Variants in NETO1 observed in about 807,000 individuals in gnomAD.
NETO1 encodes neuropilin and tolloid like 1, also known as neuropilin and tolloid-like protein 1.
NETO1 carries 26 observed loss-of-function variants against 61.3 expected under a neutral mutation model. That is an observed-to-expected ratio of 0.42 (90% confidence interval 0.31 to 0.59). The LOEUF (loss-of-function observed/expected upper bound fraction) is 0.59, where lower values mean the gene tolerates loss of function less well. Among genes scored for constraint, NETO1 ranks in the 20% least tolerant of loss-of-function variants. The probability of loss-of-function intolerance (pLI) is 0.12; values close to 1 mark genes in which losing one functional copy is unlikely to be tolerated. For synonymous variants in NETO1, 225 were observed against 225.8 expected (o/e 1.00, Z 0.03); for missense variants, 531 against 662.8 (o/e 0.80, Z 2.18).
intron 4 of NETO1, among the ~76,000 whole-genome samples, chr18:72,804,272 C>T (rs573219728): frequency 5.7e-4 from 87 of 152,158 alleles, no homozygotes; most frequent in Middle Eastern, 3.4e-3. Context: ...ACGTCTGCCC[C>T]GACCAACCTT....
intron 4 of NETO1, among the ~76,000 whole-genome samples, chr18:72,818,797 T>C (rs941232687): frequency 1.3e-5 from 2 of 152,188 alleles, no homozygotes; most frequent in Non-Finnish European, 2.9e-5. Context: ...TCTATTAAAT[T>C]ATAGAAACAA....
In NETO1 at chr18:72,830,899, T is replaced by C. The variant is rs1395910453; in HGVS notation, c.469+27927A>G. On this transcript the variant is annotated intron_variant, in intron 4 of 10. Transcript: ENST00000327305. This position sits in a 1 kb window ranked among gnomAD's most constrained non-coding sequence, Gnocchi z 4.9. The stretch of plus-strand genomic sequence containing the variant: ...TCTTCTCTGAACATTGAGTTTTCAT[T>C]TACCACTGCAGGAAAAACTGTACTT... 6.6e-6 allele frequency among the ~76,000 whole-genome samples: 1 copy of C among 152,142 alleles called. No individual in the cohort carries two copies. The highest frequency in any genetic ancestry group is 1.9e-4 in the East Asian group (1 of 5,188).
At chr18:72,844,836 G>A (rs1437728836) in intron 4 of NETO1, among the ~76,000 whole-genome samples, 1 of 152,198 alleles carries the variant, frequency 6.6e-6, no homozygotes, top group South Asian at 2.1e-4. Flanking sequence ...TGATTGCAGT[G>A]CACTTCACAA....
chr18:72,834,542 A>G, intron 4 of NETO1: 7 of 971,056 alleles, frequency 7.2e-6, no homozygotes, highest in Non-Finnish European at 8.6e-6. Flanking sequence ...TATATAATAT[A>G]AAAGCAATGA....
intron 3 of NETO1, among the ~76,000 whole-genome samples, chr18:72,862,921 TC>T (rs2074623399): frequency 6.6e-6 from 1 of 152,236 alleles, no homozygotes; most frequent in Admixed American, 6.5e-5. Context: ...CGTCTGGCGA[TC>T]CAGTTTCTTA....
chr18:72,812,444 C>T (rs982517355), intron 4 of NETO1, among the ~76,000 whole-genome samples: 3 of 152,172 alleles, frequency 2.0e-5, no homozygotes, highest in Non-Finnish European at 4.4e-5. Flanking sequence ...TTTTCGCCAA[C>T]GTCATCATTG....
At chr18:72,854,459 C>T (rs904295142) in intron 4 of NETO1, among the ~76,000 whole-genome samples, 3 of 152,144 alleles carry the variant, frequency 2.0e-5, no homozygotes, top group South Asian at 2.1e-4. Context: ...AATCTCCCCA[C>T]AAGGAAGTAA....
rs1451346256 is a variant in NETO1, at chr18:72,750,416, C to A, written c.1187G>T (p.Cys396Phe). Residue 396 changes from cysteine to phenylalanine, a missense_variant, in exon 9 of 11, where the codon TGC becomes TTC. Coordinates refer to ENST00000327305, the MANE Select transcript of NETO1 (RefSeq NM_138966.5). ...EVFEPPHYEL[C>F]TLRGTGATAD... Reference sequence around the variant, plus strand: ...TGTAGCTCCTGTCCCTCTGAGAGTGCATAACTCATAATGAGGAGGTTCAAA... The same window carrying A: ...TGTAGCTCCTGTCCCTCTGAGAGTGAATAACTCATAATGAGGAGGTTCAAA... 1.9e-6 allele frequency: 3 copies of A among 1,614,014 alleles called. No individual in the cohort carries two copies. Among genetic ancestry groups the A allele is most frequent in the Non-Finnish European group, 2.5e-6 (3 of 1,180,012 alleles).
chr18:72,827,923 G>A (rs1469665797), intron 4 of NETO1, among the ~76,000 whole-genome samples: 1 of 152,170 alleles, frequency 6.6e-6, no homozygotes, highest in African/African-American at 2.4e-5. Context: ...CTATGTTGAA[G>A]TTGTTTTGGT....
chr18:72,840,138 A>G (rs1437665541), intron 4 of NETO1, among the ~76,000 whole-genome samples: 1 of 152,220 alleles, frequency 6.6e-6, no homozygotes, highest in Non-Finnish European at 1.5e-5. Flanking sequence ...GGAGTGAATA[A>G]AAGTCCTCAT....
intron 4 of NETO1, among the ~76,000 whole-genome samples, chr18:72,833,881 T>C (rs1443153667): frequency 2.6e-5 from 4 of 152,190 alleles, no homozygotes; most frequent in Non-Finnish European, 5.9e-5. Context: ...ATACAAAACA[T>C]TATTATATAT....
At chr18:72,866,005 A>G (rs2074722486) in intron 1 of NETO1, among the ~76,000 whole-genome samples, 1 of 152,212 alleles carries the variant, frequency 6.6e-6, no homozygotes, top group Admixed American at 6.5e-5. Flanking sequence ...GTGATCTGTA[A>G]CTTAACAGTA....
Position 72,783,764 on chromosome 18 carries a change from C to T in NETO1, c.782G>A (p.Arg261His). Reference sequence around the variant, plus strand: ...CATGCGGATCACCCCAAGACCCGTGCGTAGCATGACATCATTAGCCACAGT... The same window carrying T: ...CATGCGGATCACCCCAAGACCCGTGTGTAGCATGACATCATTAGCCACAGT... ...CSTVANDVML[R>H]TGLGVIRMWA... is the part of the protein sequence containing the mutation. Residue 261 changes from arginine to histidine, a missense_variant, in exon 7 of 11, where the codon CGC becomes CAC. Arg to His is a conservative substitution (Grantham distance 29). Transcript: ENST00000327305. 2 of 1,614,180 alleles carry T rather than the reference C, an allele frequency of 1.2e-6. No homozygotes were observed. Among genetic ancestry groups the T allele is most frequent in the Non-Finnish European group, 8.5e-7 (1 of 1,180,036 alleles).
intron 4 of NETO1, among the ~76,000 whole-genome samples, chr18:72,823,160 GT>G (rs2073258390): frequency 6.6e-6 from 1 of 152,120 alleles, no homozygotes; most frequent in Admixed American, 6.5e-5. Flanking sequence ...TTTATTGGCT[GT>G]TTTCCGTATT....
At chr18:72,775,850 C>A (rs1187266142) in intron 7 of NETO1, among the ~76,000 whole-genome samples, 1 of 151,808 alleles carries the variant, frequency 6.6e-6, no homozygotes, top group Non-Finnish European at 1.5e-5. Flanking sequence ...TTCAATGAAC[C>A]CTTTTTTTTT....
rs1181990339 is a variant in NETO1, at chr18:72,812,299, T to C, written c.470-17895A>G. 2.6e-5 allele frequency among the ~76,000 whole-genome samples: 4 copies of C among 152,250 alleles called. No homozygotes were observed. In the East Asian group the frequency reaches 7.7e-4, roughly 29 times the overall value. ...TTGTTCACAGCTGTGACCATGGACT[T>C]AATAAACCTCCAAAAGAGGCAGCAG... On this transcript the variant is annotated intron_variant, in intron 4 of 10. Coordinates refer to ENST00000327305, the MANE Select transcript of NETO1 (RefSeq NM_138966.5).
intron 4 of NETO1, chr18:72,835,148 G>A: frequency 7.9e-7 from 1 of 1,261,782 alleles, no homozygotes; most frequent in Non-Finnish European, 1.0e-6. Flanking sequence ...GAAAGATTGA[G>A]CAAACAGCAT....
At chr18:72,831,311 G>A (rs374181768) in intron 4 of NETO1, among the ~76,000 whole-genome samples, 1 of 152,150 alleles carries the variant, frequency 6.6e-6, no homozygotes, top group African/African-American at 2.4e-5. Context: ...AACAATGAAT[G>A]AAAATGATCT....
At chr18:72,749,212 G>A (rs1599076500) in intron 9 of NETO1, 124 bp from the exon 10 acceptor site, 2 of 648,852 alleles carry the variant, frequency 3.1e-6, no homozygotes, top group Non-Finnish European at 2.8e-6. Flanking sequence ...ATGTCAGCAT[G>A]CAAAACATAT....
Sources: gnomAD v4.1 joint callset for allele counts (sites outside exome capture counted in the v4.1 genomes callset) on GRCh38, gnomAD v4.1.1 for gene constraint, Gnocchi (gnomAD v3.1) non-coding constraint, MANE v1.5 for transcripts, NCBI Gene and HGNC (gene_info 2026-07-23, HGNC 2026-07-21) for gene names.